ARID5B: variants seen among roughly 807,000 people sequenced by gnomAD.
ARID5B encodes AT-rich interactive domain-containing protein 5B.
In ARID5B, 13 loss-of-function variants were observed where a neutral mutation model predicts 97.2. That is an observed-to-expected ratio of 0.13 (90% CI 0.09 to 0.21). The LOEUF (loss-of-function observed/expected upper bound fraction) is 0.21. Among genes scored for constraint, ARID5B ranks in the 10% least tolerant of loss-of-function variants. The pLI, the probability that ARID5B is intolerant of heterozygous loss-of-function variation, is 1.00. For missense variants in ARID5B, 1,210 were observed against 1,465.3 expected (o/e 0.83, Z 2.84); for synonymous variants, 556 against 570.3 (o/e 0.97, Z 0.36).
intron 3 of ARID5B, among the ~76,000 whole-genome samples, chr10:61,956,783 T>G (rs74333127): frequency 0.067 from 10,159 of 152,284 alleles, 417 homozygotes; most frequent in South Asian, 0.12. Flanking sequence ...CTCCTTAATT[T>G]TACTTTTTAT....
intron 3 of ARID5B, among the ~76,000 whole-genome samples, chr10:61,998,813 T>C (rs1176907306): frequency 3.9e-5 from 6 of 152,100 alleles, no homozygotes; most frequent in Non-Finnish European, 8.8e-5. Context: ...GGTGGGTGTA[T>C]CAATCAAGTT....
rs1272388817 is a variant in ARID5B, at chr10:62,094,871, A to C, written c.*1841A>C. The C allele has an allele frequency of 4.3e-6, 1 of 231,480 alleles. No homozygotes were observed. The highest frequency in any genetic ancestry group is 6.1e-5 in the East Asian group (1 of 16,294). The allele number at this position is 231,480 out of a possible 1,614,324, so 14.3% of individuals were successfully genotyped here. The stretch of plus-strand genomic sequence containing the variant: ...TCTGGGAAAATTGGTGACAATTTTC[A>C]ACTTCTAAATAGGTAACTCGACTGC... On this transcript the variant is annotated 3_prime_UTR_variant, in exon 10 of 10. Coordinates refer to ENST00000279873, the MANE Select transcript of ARID5B (RefSeq NM_032199.3).
At chr10:61,947,836 C>T (rs1200155056) in intron 3 of ARID5B, among the ~76,000 whole-genome samples, 1 of 152,132 alleles carries the variant, frequency 6.6e-6, no homozygotes, top group East Asian at 1.9e-4. Context: ...AACAGCTGGT[C>T]GTTGATAATG....
chr10:62,032,588 G>A (rs978020261), intron 4 of ARID5B, among the ~76,000 whole-genome samples: 3 of 152,046 alleles, frequency 2.0e-5, no homozygotes, highest in Admixed American at 6.6e-5. Context: ...GGTGATGGGC[G>A]CCTGTAATCC....
chr10:62,017,019 G>T (rs1178649714), intron 4 of ARID5B, among the ~76,000 whole-genome samples: 1 of 152,114 alleles, frequency 6.6e-6, no homozygotes, highest in African/African-American at 2.4e-5. Context: ...CAGAGAGAGT[G>T]AACTCAATAT....
At chr10:61,988,780 T>C (rs530724330) in intron 3 of ARID5B, among the ~76,000 whole-genome samples, 1 of 152,158 alleles carries the variant, frequency 6.6e-6, no homozygotes, top group Non-Finnish European at 1.5e-5. Context: ...TGCTGTTCAA[T>C]AAGGTAGCCA....
Position 62,059,346 on chromosome 10 carries a change from C to T in ARID5B, c.1101+51C>T, listed in dbSNP as rs541420913. 9 of 1,533,874 alleles carry T rather than the reference C, an allele frequency of 5.9e-6. No individual in the cohort carries two copies. In the South Asian group the frequency reaches 9.1e-5, roughly 16 times the overall value. On this transcript the variant is annotated intron_variant, in intron 7 of 9. Coordinates refer to ENST00000279873, the MANE Select transcript of ARID5B (RefSeq NM_032199.3). The stretch of plus-strand genomic sequence containing the variant: ...AATAATTTTGCAATCTAACTTTTCC[C>T]CTCTCTTTGACCAAAATGGAGAACA...
intron 4 of ARID5B, among the ~76,000 whole-genome samples, chr10:62,039,532 T>C (rs1272989058): frequency 1.3e-5 from 2 of 152,184 alleles, no homozygotes; most frequent in Non-Finnish European, 2.9e-5. Flanking sequence ...GGGCTGTTAA[T>C]GTCTAGTTAG....
At chr10:61,927,753 T>C (rs1323251784) in intron 2 of ARID5B, among the ~76,000 whole-genome samples, 1 of 152,222 alleles carries the variant, frequency 6.6e-6, no homozygotes, top group Non-Finnish European at 1.5e-5. Flanking sequence ...TTTTGCCTAA[T>C]AAGGACATTC....
chr10:62,033,824 T>TCTTGAC (rs1452821262), intron 4 of ARID5B, among the ~76,000 whole-genome samples: 2 of 152,194 alleles, frequency 1.3e-5, no homozygotes. Context: ...CATATAATTC[T>TCTTGAC]CTTGACGAAC....
rs187092440 is a variant in ARID5B, at chr10:62,083,566, G to A, written c.1200-2136G>A. Among the ~76,000 whole-genome samples, 86 of 152,172 alleles carry A rather than the reference G, an allele frequency of 5.7e-4. 1 individual carries two copies. Among genetic ancestry groups the A allele is most frequent in the Non-Finnish European group, 5.6e-4 (38 of 68,004 alleles). On this transcript the variant is annotated intron_variant, in intron 8 of 9. Coordinates refer to ENST00000279873, the MANE Select transcript of ARID5B (RefSeq NM_032199.3). ...CTTCTCAGTAAAGAGGGTCCCTCGTGGTGTCACCATCTCCATCAGAAAATG... is the reference window on the plus strand; with the variant it reads ...CTTCTCAGTAAAGAGGGTCCCTCGTAGTGTCACCATCTCCATCAGAAAATG...
At chr10:62,083,853 G>A (rs1051022869) in intron 8 of ARID5B, among the ~76,000 whole-genome samples, 2 of 150,208 alleles carry the variant, frequency 1.3e-5, no homozygotes, top group Non-Finnish European at 2.9e-5. Context: ...AAAAGGAATT[G>A]GGGGGAATGT....
chr10:62,076,368 C>A (rs7101228), intron 8 of ARID5B, among the ~76,000 whole-genome samples: 22,032 of 151,968 alleles, frequency 0.14, 1,840 homozygotes, highest in African/African-American at 0.22. Flanking sequence ...TGGTAAAACC[C>A]TGCCTCTACT....
chr10:62,044,427 C>T (rs574582228), intron 4 of ARID5B, among the ~76,000 whole-genome samples: 37 of 142,996 alleles, frequency 2.6e-4, no homozygotes, highest in Admixed American at 4.4e-4. Flanking sequence ...GTCACCCAGG[C>T]TGGAGAGCAG....
At chr10:62,059,544 T>C (rs974816796) in intron 7 of ARID5B, among the ~76,000 whole-genome samples, 6 of 152,156 alleles carry the variant, frequency 3.9e-5, no homozygotes, top group African/African-American at 4.8e-5. Flanking sequence ...GGGAAATTAG[T>C]TGGGTCTGTA....
intron 3 of ARID5B, among the ~76,000 whole-genome samples, chr10:61,955,459 TAGA>T (rs1332044082): frequency 3.9e-5 from 6 of 152,290 alleles, no homozygotes; most frequent in African/African-American, 1.4e-4. Flanking sequence ...ATAGCATTCT[TAGA>T]AGGAGAGGGG....
Position 61,957,453 on chromosome 10 carries a change from G to C in ARID5B, c.502+17045G>C, listed in dbSNP as rs372551663. On this transcript the variant is annotated intron_variant, in intron 3 of 9. Transcript: ENST00000279873. ...CTGGCTGATTTTTGTATATTTAGTA[G>C]AGACAGGGTTTCACCATTTTGGCCA... Among the ~76,000 whole-genome samples the C allele has an allele frequency of 4.6e-5, 7 of 152,294 alleles. No individual in the cohort carries two copies. The East Asian group carries it at 1.2e-3, about 25-fold the overall frequency.
intron 7 of ARID5B, among the ~76,000 whole-genome samples, chr10:62,062,350 C>T (rs1839931612): frequency 2.0e-5 from 3 of 152,200 alleles, no homozygotes; most frequent in South Asian, 4.1e-4. Flanking sequence ...GAATAGGGCT[C>T]ATGTTTTTAA....
intron 4 of ARID5B, among the ~76,000 whole-genome samples, chr10:62,012,082 G>A (rs750945879): frequency 2.9e-4 from 44 of 151,992 alleles, no homozygotes; most frequent in African/African-American, 9.7e-4. Flanking sequence ...TTTCTATTAC[G>A]AAAAGTACAA....
Sources: allele counts gnomAD v4.1 joint callset (sites outside exome capture counted in the v4.1 genomes callset), GRCh38; gene constraint gnomAD v4.1.1; transcripts MANE v1.5; gene names NCBI Gene and HGNC (gene_info 2026-07-23, HGNC 2026-07-21).